Variants in CCDC171 observed in about 807,000 individuals in gnomAD.
CCDC171 encodes the protein coiled-coil domain-containing protein 171.
A neutral mutation model predicts 168.2 loss-of-function variants in CCDC171; 177 were observed. That is an observed-to-expected ratio of 1.05 (90% CI 0.93 to 1.19). The LOEUF is 1.19. Among genes scored for constraint, CCDC171 ranks in the 50% most tolerant of loss-of-function variants. The probability of loss-of-function intolerance (pLI) is 0.00; values close to 1 mark genes in which losing one functional copy is unlikely to be tolerated. For missense variants in CCDC171, 1,991 were observed against 1,539.0 expected (o/e 1.29, Z -4.91); for synonymous variants, 687 against 540.8 (o/e 1.27, Z -3.75).
At chr9:15,956,831 C>G (rs1829846262) in intron 25 of CCDC171, among the ~76,000 whole-genome samples, 1 of 152,042 alleles carries the variant, frequency 6.6e-6, no homozygotes, top group Non-Finnish European at 1.5e-5. Context: ...TGTGCGTCGA[C>G]CTTTCCGCTT....
chr9:16,104,907 G>C, the CCDC171 span, among the ~76,000 whole-genome samples: 1 of 152,140 alleles, frequency 6.6e-6, no homozygotes, highest in Non-Finnish European at 1.5e-5. Context: ...ACTCCAGTAA[G>C]AGCTAAGGAG....
chr9:15,568,961 C>T (rs961491223), intron 2 of CCDC171, among the ~76,000 whole-genome samples: 1 of 152,194 alleles, frequency 6.6e-6, no homozygotes, highest in Non-Finnish European at 1.5e-5. Context: ...TTCGTCATGA[C>T]ATCTTTGCCC....
intron 4 of CCDC171, among the ~76,000 whole-genome samples, chr9:15,589,522 C>A (rs1395498106): frequency 6.6e-6 from 1 of 152,208 alleles, no homozygotes; most frequent in African/African-American, 2.4e-5. Context: ...TCAACCCCCA[C>A]TCTAAACTCT....
intron 24 of CCDC171, among the ~76,000 whole-genome samples, chr9:15,912,480 CAT>C (rs957212436): frequency 1.3e-4 from 20 of 152,252 alleles, no homozygotes; most frequent in Middle Eastern, 3.4e-3. Context: ...AATATACAGT[CAT>C]GTCATCTGCA....
intron 11 of CCDC171, among the ~76,000 whole-genome samples, chr9:15,702,628 T>A (rs544457782): frequency 7.9e-5 from 12 of 152,208 alleles, no homozygotes; most frequent in African/African-American, 2.9e-4. Context: ...GCTGTAAAAG[T>A]CCTAGGTGAC....
the CCDC171 span, among the ~76,000 whole-genome samples, chr9:16,096,259 A>G: frequency 6.6e-6 from 1 of 152,196 alleles, no homozygotes; most frequent in African/African-American, 2.4e-5. Flanking sequence ...AGAGCAGGCC[A>G]TAGTAAATTA....
At chr9:15,664,565 T>TACACACAC (rs1423756698) in intron 8 of CCDC171, among the ~76,000 whole-genome samples, 2 of 4,940 alleles carry the variant, frequency 4.0e-4, no homozygotes, top group Non-Finnish European at 9.1e-4. Flanking sequence ...CCCTTAAATT[T>TACACACAC]ATACACACAC....
At chr9:15,648,562 A>G (rs893101764) in intron 7 of CCDC171, among the ~76,000 whole-genome samples, 1 of 152,210 alleles carries the variant, frequency 6.6e-6, no homozygotes, top group Non-Finnish European at 1.5e-5. Context: ...TCAGGATACA[A>G]AATCAATGTG....
At chr9:15,943,339 A>G (rs922799757) in intron 25 of CCDC171, among the ~76,000 whole-genome samples, 1 of 152,014 alleles carries the variant, frequency 6.6e-6, no homozygotes, top group Admixed American at 6.6e-5. Flanking sequence ...AGAACTTATG[A>G]GACACATATA....
chr9:15,958,996 G>A lies in CCDC171; in HGVS notation c.3754-12613G>A, dbSNP rs779550111. On this transcript the variant is annotated intron_variant, in intron 25 of 25. Transcript: ENST00000380701. ...TTCATGTGCCCTGTCTCTCTCCACTGCCTCAGCCTTCTTCACTCTCTGTGA... is the reference window on the plus strand; with the variant it reads ...TTCATGTGCCCTGTCTCTCTCCACTACCTCAGCCTTCTTCACTCTCTGTGA... 7.4e-4 allele frequency among the ~76,000 whole-genome samples: 112 copies of A among 152,150 alleles called. 1 individual carries two copies. Among genetic ancestry groups the A allele is most frequent in the Admixed American group, 2.0e-4 (3 of 15,268 alleles).
At chr9:15,572,113 T>A (rs900407084) in intron 3 of CCDC171, among the ~76,000 whole-genome samples, 1 of 152,196 alleles carries the variant, frequency 6.6e-6, no homozygotes, top group African/African-American at 2.4e-5. Flanking sequence ...GCAATCTCTT[T>A]AAGTAAATTT....
intron 21 of CCDC171, among the ~76,000 whole-genome samples, chr9:15,791,523 C>T (rs1031818308): frequency 6.6e-6 from 1 of 152,204 alleles, no homozygotes; most frequent in African/African-American, 2.4e-5. Context: ...TCTAGATATA[C>T]AATCATGTCA....
chr9:15,669,121 A>G (rs761672468), intron 9 of CCDC171, among the ~76,000 whole-genome samples: 26 of 152,194 alleles, frequency 1.7e-4, no homozygotes, highest in South Asian at 4.1e-4. Flanking sequence ...GGCAGGAGAA[A>G]AAAAGCTGTG....
At chr9:15,902,605 G>C (rs1396284543) in intron 24 of CCDC171, among the ~76,000 whole-genome samples, 1 of 152,116 alleles carries the variant, frequency 6.6e-6, no homozygotes, top group African/African-American at 2.4e-5. Context: ...CCCAGCATGA[G>C]CAATGCAGAA....
At chr9:15,856,934 T>G (rs1325169546) in intron 23 of CCDC171, among the ~76,000 whole-genome samples, 1 of 152,062 alleles carries the variant, frequency 6.6e-6, no homozygotes, top group Non-Finnish European at 1.5e-5. Context: ...TCATTGTGGT[T>G]TTGATTTTTA....
rs1448428579 is a variant in CCDC171, at chr9:15,727,832, T to C, written c.1693-37T>C. On this transcript the variant is annotated intron_variant, in intron 14 of 25. Transcript: ENST00000380701. ...TGTATTTTACTTCTTACAATGTTTA[T>C]ATACAGCAATTAATTTTTCTTTTTT... 8 of 1,553,036 alleles carry C rather than the reference T, an allele frequency of 5.2e-6. No homozygotes were observed. The East Asian group carries it at 1.6e-4, about 31-fold the overall frequency.
At chr9:16,039,918 T>C (rs991319089), upstream of CCDC171, among the ~76,000 whole-genome samples, 15 of 152,158 alleles carry the variant, frequency 9.9e-5, no homozygotes, top group Non-Finnish European at 1.8e-4. Context: ...GGAAGGAGAT[T>C]GGACCGGATA....
intron 25 of CCDC171, among the ~76,000 whole-genome samples, chr9:15,935,380 TG>T (rs925865163): frequency 1.3e-5 from 2 of 152,160 alleles, no homozygotes. Flanking sequence ...TTGGTTTTCC[TG>T]GCTGTAAAAT....
intron 21 of CCDC171, among the ~76,000 whole-genome samples, chr9:15,829,741 A>G (rs1284007648): frequency 6.6e-6 from 1 of 151,998 alleles, no homozygotes; most frequent in African/African-American, 2.4e-5. Context: ...ACAACATGGC[A>G]AATCCCCATC....
Sources: gnomAD v4.1 joint callset for allele counts (sites outside exome capture counted in the v4.1 genomes callset) on GRCh38, gnomAD v4.1.1 for gene constraint, MANE v1.5 for transcripts, NCBI Gene and HGNC (gene_info 2026-07-23, HGNC 2026-07-21) for gene names.